CFAP54: variants seen among roughly 807,000 people sequenced by gnomAD.
CFAP54 encodes cilia and flagella associated protein 54.
In CFAP54, 290 loss-of-function variants were observed where a neutral mutation model predicts 370.4. That is an observed-to-expected ratio of 0.78 (90% CI 0.71 to 0.86). The LOEUF (loss-of-function observed/expected upper bound fraction) is 0.86, where lower values mean the gene tolerates loss of function less well. CFAP54 is among the 40% of genes least tolerant of loss of function. The pLI is 0.00. For missense variants in CFAP54, 3,399 were observed against 3,528.7 expected (o/e 0.96, Z 0.93); for synonymous variants, 1,206 against 1,236.5 (o/e 0.98, Z 0.52).
chr12:96,796,983 A>G (rs1192661983), intron 63 of CFAP54, among the ~76,000 whole-genome samples: 1 of 152,070 alleles, frequency 6.6e-6, no homozygotes, highest in Non-Finnish European at 1.5e-5. Context: ...TTCTCTCTAA[A>G]CATTGTTTTG....
intron 32 of CFAP54, among the ~76,000 whole-genome samples, chr12:96,631,072 AT>A (rs775004402): frequency 3.7e-4 from 57 of 152,034 alleles, no homozygotes; most frequent in Middle Eastern, 3.4e-3. Flanking sequence ...CATTCTTTAT[AT>A]ATCTTACCTT....
At chr12:96,839,436 C>T (rs78492556) in intron 66 of CFAP54, among the ~76,000 whole-genome samples, 3,764 of 152,184 alleles carry the variant, frequency 0.025, 237 homozygotes, top group East Asian at 0.13. Context: ...AAGAACAACA[C>T]GAAGTGTAGA....
chr12:96,596,618 A>G (rs1956182053), intron 25 of CFAP54, among the ~76,000 whole-genome samples: 1 of 152,126 alleles, frequency 6.6e-6, no homozygotes, highest in Admixed American at 6.6e-5. Context: ...AACTTTAGGA[A>G]AAATTTCCCA....
chr12:96,613,402 G>A (rs543645237), intron 26 of CFAP54, among the ~76,000 whole-genome samples: 15 of 151,998 alleles, frequency 9.9e-5, no homozygotes, highest in East Asian at 9.6e-4. Context: ...CACTAAATGC[G>A]CACAAGAGAA....
chr12:96,571,910 G>C (rs1162700358), intron 19 of CFAP54, among the ~76,000 whole-genome samples: 1 of 152,134 alleles, frequency 6.6e-6, no homozygotes. Flanking sequence ...GAATTTATCT[G>C]ATTTACCTAA....
At chr12:96,758,825 G>C (rs997283150) in intron 58 of CFAP54, among the ~76,000 whole-genome samples, 1 of 152,034 alleles carries the variant, frequency 6.6e-6, no homozygotes, top group Non-Finnish European at 1.5e-5. Context: ...AGTAAATCAG[G>C]GATGGGCTCT....
intron 51 of CFAP54, among the ~76,000 whole-genome samples, chr12:96,741,119 T>C (rs1371024845): frequency 6.6e-6 from 1 of 152,198 alleles, no homozygotes; most frequent in Non-Finnish European, 1.5e-5. Context: ...CTTGTGCCCA[T>C]TTGAATCACT....
At chr12:96,826,663 TATAA>T (rs1053366065) in intron 65 of CFAP54, among the ~76,000 whole-genome samples, 1 of 108,808 alleles carries the variant, frequency 9.2e-6, no homozygotes, top group African/African-American at 3.8e-5. Flanking sequence ...ATATATTATA[TATAA>T]ATATATAATA....
At chr12:96,617,272 CG>C (rs1956430122) in intron 26 of CFAP54, among the ~76,000 whole-genome samples, 1 of 151,966 alleles carries the variant, frequency 6.6e-6, no homozygotes, top group Admixed American at 6.6e-5. Flanking sequence ...GCCTGGAGCT[CG>C]GGAGATGTGA....
chr12:96,500,246 A>T (rs999629228), intron 1 of CFAP54, among the ~76,000 whole-genome samples: 2 of 152,236 alleles, frequency 1.3e-5, no homozygotes, highest in African/African-American at 4.8e-5. Flanking sequence ...ATTTTGGAAA[A>T]GGCATGACTA....
At chr12:96,644,072 C>T in intron 32 of CFAP54, 106 bp from the exon 33 acceptor site, 1 of 712,568 alleles carries the variant, frequency 1.4e-6, no homozygotes. Context: ...AGCATAAGGG[C>T]AGTCAAGTGA....
At chr12:96,685,005 C>T in intron 41 of CFAP54, 24 bp from the exon 42 acceptor site, 1 of 1,609,254 alleles carries the variant, frequency 6.2e-7, no homozygotes, top group Non-Finnish European at 8.5e-7. Context: ...AAACTTACTG[C>T]TTGATGCTTT....
At chr12:96,589,860 C>T (rs747469532) in intron 23 of CFAP54, among the ~76,000 whole-genome samples, 5 of 152,066 alleles carry the variant, frequency 3.3e-5, no homozygotes, top group Admixed American at 2.6e-4. Context: ...GATTCTCATG[C>T]CTCAGCCTCC....
chr12:96,586,375 A>G (rs1238860442), intron 22 of CFAP54, among the ~76,000 whole-genome samples: 1 of 152,218 alleles, frequency 6.6e-6, no homozygotes, highest in Non-Finnish European at 1.5e-5. Flanking sequence ...TAAATTATCT[A>G]GTATTTCAGA....
At chr12:96,743,948 A>G (rs372388425) in intron 54 of CFAP54, 38 bp downstream of exon 54, 32 of 1,600,916 alleles carry the variant, frequency 2.0e-5, no homozygotes, top group Non-Finnish European at 2.6e-5. Flanking sequence ...ATAGAAACTT[A>G]CTTTTCTCTC....
In CFAP54 at chr12:96,547,922, A is replaced by T; in HGVS notation, c.2098A>T (p.Thr700Ser). 6.7e-7 allele frequency: 1 copy of T among 1,503,118 alleles called. No individual in the cohort carries two copies. The highest frequency in any genetic ancestry group is 8.9e-7 in the Non-Finnish European group (1 of 1,125,386). 93.1% of individuals were successfully genotyped at this position (1,503,118 alleles called of 1,614,324 possible). A position where few individuals can be genotyped will look rare whatever the true frequency, so the allele number is the denominator to read the frequency against. The change falls in exon 15 of 68, where the codon ACT (threonine) becomes TCT (serine). Residue 700 changes from threonine to serine, a missense_variant. By Grantham distance (58) the Thr-to-Ser change is moderately conservative (BLOSUM62 1). Coordinates refer to ENST00000524981, the MANE Select transcript of CFAP54 (RefSeq NM_001306084.2). ...QSLDVPLREG[T>S]NKFPGAPKGI... ...TCCAGATGTACCTTTAAGAGAAGGG[A>T]CTAACAAATTCCCTGGAGCTCCAAA... is the stretch of plus-strand genomic sequence containing the variant.
At chr12:96,700,873 C>A (rs1957484451) in intron 46 of CFAP54, among the ~76,000 whole-genome samples, 1 of 152,066 alleles carries the variant, frequency 6.6e-6, no homozygotes, top group Admixed American at 6.6e-5. Flanking sequence ...GACTGATAGG[C>A]ACAATACCAG....
chr12:96,764,067 A>G, intron 58 of CFAP54, 84 bp from the exon 59 acceptor site: 1 of 818,242 alleles, frequency 1.2e-6, no homozygotes, highest in Non-Finnish European at 2.0e-6. Context: ...GTGACTACAT[A>G]GCATTTCACT....
chr12:96,648,624 C>A (rs12367993), intron 34 of CFAP54, among the ~76,000 whole-genome samples: 3 of 143,474 alleles, frequency 2.1e-5, no homozygotes, highest in Non-Finnish European at 3.0e-5. Flanking sequence ...GGAGTCTCAC[C>A]CTATCACCTG....
Sources: allele counts gnomAD v4.1 joint callset (sites outside exome capture counted in the v4.1 genomes callset), GRCh38; gene constraint gnomAD v4.1.1; transcripts MANE v1.5; gene names NCBI Gene and HGNC (gene_info 2026-07-23, HGNC 2026-07-21).